The following ANK3 variants were observed in gnomAD, a reference collection of about 807,000 sequenced individuals.
ANK3 encodes the protein ankyrin 3.
ANK3 carries 57 observed loss-of-function variants against 370.9 expected under a neutral mutation model. The observed-to-expected ratio is 0.15, with a 90% CI of 0.12 to 0.19. The LOEUF is 0.19. Among genes scored for constraint, ANK3 ranks in the 10% least tolerant of loss-of-function variants. ANK3 has a pLI of 1.00. For missense variants in ANK3, 4,439 were observed against 5,302.1 expected (o/e 0.84, Z 5.06); for synonymous variants, 1,929 against 1,946.3 (o/e 0.99, Z 0.23).
chr10:60,418,505 T>A (rs899285047), intron 2 of ANK3, among the ~76,000 whole-genome samples: 4 of 152,154 alleles, frequency 2.6e-5, no homozygotes, highest in African/African-American at 9.6e-5. Flanking sequence ...GTGGGTTTTA[T>A]TCATTTTTTA....
At chr10:60,044,698 T>C (rs1222740182) in intron 42 of ANK3, 2 of 152,218 alleles carry the variant, frequency 1.3e-5, no homozygotes, top group African/African-American at 4.8e-5. Context: ...CGTCTCACTT[T>C]AAGCACTGTT....
chr10:60,568,628 T>C (rs1264058498), intron 2 of ANK3, among the ~76,000 whole-genome samples: 2 of 152,192 alleles, frequency 1.3e-5, no homozygotes, highest in South Asian at 4.1e-4. Flanking sequence ...ATTGAATTAA[T>C]AGAATTTCAG....
intron 1 of ANK3, among the ~76,000 whole-genome samples, chr10:60,308,046 A>T (rs2045533907): frequency 6.6e-6 from 1 of 152,218 alleles, no homozygotes; most frequent in Non-Finnish European, 1.5e-5. Flanking sequence ...CATGACACAG[A>T]CATTATTCAA....
chr10:60,313,659 G>T (rs913455088), intron 1 of ANK3, among the ~76,000 whole-genome samples: 11 of 152,088 alleles, frequency 7.2e-5, no homozygotes, highest in Admixed American at 4.6e-4. Flanking sequence ...CTTTTCTCCA[G>T]TTTCAAACCA....
intron 8 of ANK3, among the ~76,000 whole-genome samples, chr10:60,217,230 A>AT (rs1218790102): frequency 6.6e-6 from 1 of 151,802 alleles, no homozygotes; most frequent in Non-Finnish European, 1.5e-5. Flanking sequence ...GGGTTCATTG[A>AT]TTTTTTGGGG....
intron 2 of ANK3, among the ~76,000 whole-genome samples, chr10:60,499,410 C>T (rs1317988549): frequency 1.3e-5 from 2 of 152,158 alleles, no homozygotes; most frequent in East Asian, 1.9e-4. Flanking sequence ...TTTTATAAGT[C>T]ATCAATAAAG....
At chr10:60,527,644 T>C (rs2076505046) in intron 2 of ANK3, among the ~76,000 whole-genome samples, 1 of 152,176 alleles carries the variant, frequency 6.6e-6, no homozygotes, top group East Asian at 1.9e-4. Context: ...AAAGAGCATT[T>C]ATTGAGCAGT....
At chr10:60,448,620 G>A (rs553219624) in intron 2 of ANK3, among the ~76,000 whole-genome samples, 26 of 152,274 alleles carry the variant, frequency 1.7e-4, no homozygotes, top group South Asian at 6.2e-4. Context: ...TACCTGCTTC[G>A]TGCATTTTCT....
rs558473270 is a variant in ANK3, at chr10:60,570,943, T to C, written c.96+44243A>G. Among the ~76,000 whole-genome samples, 61 of 152,264 alleles carry C rather than the reference T, an allele frequency of 4.0e-4. 1 individual carries two copies. In the South Asian group the frequency reaches 0.012, roughly 30 times the overall value. ...GCTCACTCTAATATGGATTGCACCG[T>C]CGTGGTTCATGTGTCTGTCTCGGCT... On this transcript the variant is annotated intron_variant, in intron 2 of 43. Coordinates refer to the ANK3 transcript ENST00000373827.
intron 23 of ANK3, chr10:60,141,116 G>GCTGCTTTCCTTAGCCCCA: frequency 1.4e-6 from 1 of 737,756 alleles, no homozygotes; most frequent in Non-Finnish European, 1.7e-6. Context: ...TTGTGAAACT[G>GCTGCTTTCCTTAGCCCCA]GGGCTAAGGA....
At chr10:60,509,525 T>C (rs2076026792) in intron 2 of ANK3, among the ~76,000 whole-genome samples, 1 of 152,128 alleles carries the variant, frequency 6.6e-6, no homozygotes, top group South Asian at 2.1e-4. Flanking sequence ...GTCTGTATTT[T>C]GTGTATTATT....
intron 2 of ANK3, among the ~76,000 whole-genome samples, chr10:60,445,076 C>T (rs1165313630): frequency 1.3e-5 from 2 of 152,060 alleles, no homozygotes; most frequent in Non-Finnish European, 2.9e-5. Flanking sequence ...AAAATTAATG[C>T]AATATTCTAG....
At chr10:60,248,093 G>T (rs1437448891) in intron 7 of ANK3, among the ~76,000 whole-genome samples, 1 of 152,182 alleles carries the variant, frequency 6.6e-6, no homozygotes, top group Non-Finnish European at 1.5e-5. Flanking sequence ...GTTGGACTCG[G>T]CTTGCCTCCA....
intron 1 of ANK3, among the ~76,000 whole-genome samples, chr10:60,298,784 A>T (rs997331227): frequency 9.9e-5 from 15 of 152,154 alleles, no homozygotes; most frequent in Non-Finnish European, 1.9e-4. Flanking sequence ...TTATTAATTA[A>T]TAAAAGGCCA....
In ANK3 at chr10:60,172,647, A is replaced by G. The variant is rs145478158; in HGVS notation, c.2383-244T>C. 1.2e-3 allele frequency among the ~76,000 whole-genome samples: 183 copies of G among 152,302 alleles called. 2 individuals carry two copies. The highest frequency in any genetic ancestry group is 4.0e-3 in the African/African-American group (167 of 41,568). ...TAAGTAAGCAATCAATGAAACCAAC[A>G]CAATTTTTTTTTCTTACATGTGTAC... On this transcript the variant is annotated intron_variant, in intron 20 of 43. Coordinates refer to ENST00000280772, the MANE Select transcript of ANK3 (RefSeq NM_020987.5).
At chr10:60,481,220 T>G (rs1475063545) in intron 2 of ANK3, among the ~76,000 whole-genome samples, 1 of 152,214 alleles carries the variant, frequency 6.6e-6, no homozygotes. Flanking sequence ...TACTGCTAAA[T>G]GCTGATCTTT....
chr10:60,505,347 A>G (rs2075909519), intron 2 of ANK3, among the ~76,000 whole-genome samples: 1 of 152,066 alleles, frequency 6.6e-6, no homozygotes, highest in Non-Finnish European at 1.5e-5. Flanking sequence ...GAAAGAGTTG[A>G]CATTTTACTT....
intron 1 of ANK3, among the ~76,000 whole-genome samples, chr10:60,336,521 A>G (rs1329738143): frequency 6.6e-6 from 1 of 152,176 alleles, no homozygotes; most frequent in African/African-American, 2.4e-5. Context: ...CAATGCCAAA[A>G]TGGTCATAGT....
intron 2 of ANK3, among the ~76,000 whole-genome samples, chr10:60,510,163 G>A (rs1336394603): frequency 6.6e-6 from 1 of 151,926 alleles, no homozygotes; most frequent in Non-Finnish European, 1.5e-5. Context: ...CAAAATATTT[G>A]CAATCATTAA....
Sources: allele counts gnomAD v4.1 joint callset (sites outside exome capture counted in the v4.1 genomes callset), GRCh38; gene constraint gnomAD v4.1.1; transcripts MANE v1.5; gene names NCBI Gene and HGNC (gene_info 2026-07-23, HGNC 2026-07-21).